The following PTPRA variants were observed in gnomAD, a reference collection of about 807,000 sequenced individuals.
PTPRA encodes receptor-type tyrosine-protein phosphatase alpha.
In PTPRA, 25 loss-of-function variants were observed where a neutral mutation model predicts 104.8. The observed-to-expected ratio is 0.24, with a 90% CI of 0.17 to 0.33. The LOEUF is 0.33. PTPRA is among the 10% of genes least tolerant of loss of function. The probability of loss-of-function intolerance (pLI) is 1.00; values close to 1 mark genes in which losing one functional copy is unlikely to be tolerated. For missense variants in PTPRA, 765 were observed against 1,015.3 expected, an observed-to-expected ratio of 0.75 and a Z score of 3.35; for synonymous variants, 323 against 368.9, an observed-to-expected ratio of 0.88 and a Z score of 1.43.
chr20:2,926,947 C>T (rs940255058), intron 2 of PTPRA, among the ~76,000 whole-genome samples: 6 of 151,740 alleles, frequency 4.0e-5, no homozygotes, highest in South Asian at 2.1e-4. Context: ...CCCGCCACCA[C>T]GCCCGGCTAA....
At chr20:3,010,519 T>C (rs2064114772) in intron 11 of PTPRA, among the ~76,000 whole-genome samples, 1 of 151,938 alleles carries the variant, frequency 6.6e-6, no homozygotes, top group Non-Finnish European at 1.5e-5. Flanking sequence ...TCCCAGCTAC[T>C]TGGGAGGCTG....
intron 17 of PTPRA, 106 bp downstream of exon 17, chr20:3,024,727 C>T (rs973718046): frequency 5.1e-6 from 7 of 1,362,012 alleles, no homozygotes; most frequent in Non-Finnish European, 7.2e-6. Context: ...CCTTGTGAGG[C>T]ATGCCAGTGG....
intron 1 of PTPRA, among the ~76,000 whole-genome samples, chr20:2,877,362 C>T (rs1386820534): frequency 1.3e-5 from 2 of 152,066 alleles, no homozygotes; most frequent in Admixed American, 6.6e-5. Context: ...TGGGTTCAAG[C>T]GATTCTCCTG....
At chr20:2,960,784 G>A (rs1451978448) in intron 3 of PTPRA, among the ~76,000 whole-genome samples, 1 of 151,418 alleles carries the variant, frequency 6.6e-6, no homozygotes, top group Non-Finnish European at 1.5e-5. Context: ...CAATTTGCCT[G>A]CCTTGGCCTC....
chr20:2,967,796 G>C (rs2062001316), intron 5 of PTPRA, among the ~76,000 whole-genome samples: 1 of 152,190 alleles, frequency 6.6e-6, no homozygotes, highest in Non-Finnish European at 1.5e-5. Context: ...AGGAGGTTGA[G>C]GCTGCAGTGA....
chr20:2,904,192 T>C (rs897285529), intron 1 of PTPRA, among the ~76,000 whole-genome samples: 8 of 152,142 alleles, frequency 5.3e-5, no homozygotes, highest in African/African-American at 1.9e-4. Flanking sequence ...GGATTACAGT[T>C]ATGAGCCATG....
rs41281232 is a variant in PTPRA at position 2,964,287 on chromosome 20, T to C, written c.10T>C (p.Trp4Arg). Residue 4 changes from tryptophan (W) to arginine (R), a missense_variant, in exon 4 of 24, where the codon TGG becomes CGG. By Grantham distance (101) the Trp-to-Arg change is moderately radical. Coordinates refer to ENST00000399903, the MANE Select transcript of PTPRA (RefSeq NM_001385305.1). MDS[W>R]FILVLLGSGL... ...TATTTTCCAGATAAGCATGGATTCC[T>C]GGTTCATTCTTGTTCTGCTCGGCAG... 6.2e-7 allele frequency: 1 copy of C among 1,610,752 alleles called. No homozygotes were observed. The highest frequency in any genetic ancestry group is 1.7e-5 in the Admixed American group (1 of 59,290).
intron 12 of PTPRA, among the ~76,000 whole-genome samples, chr20:3,016,600 C>T (rs1296259919): frequency 2.0e-5 from 3 of 152,142 alleles, no homozygotes; most frequent in Non-Finnish European, 4.4e-5. Context: ...ATTAGCCAGG[C>T]GTGGTGGCAC....
chr20:2,933,019 A>G (rs1178927386), intron 2 of PTPRA, among the ~76,000 whole-genome samples: 1 of 152,242 alleles, frequency 6.6e-6, no homozygotes, highest in Non-Finnish European at 1.5e-5. Flanking sequence ...GATAGATCAT[A>G]TATGTAAAAA....
Position 2,963,337 on chromosome 20 carries a change from C to CA in PTPRA, c.-6-934dup, listed in dbSNP as rs1400332354. Among the ~76,000 whole-genome samples, 5 of 152,150 alleles carry CA rather than the reference C, an allele frequency of 3.3e-5. No homozygotes were observed. The East Asian group carries it at 9.6e-4, about 29-fold the overall frequency. ...GTTTTTTGGTCCAGATGTGATGACT[C>CA]ACGCCTGTAATCCCAGCACTTCGGG... is the stretch of plus-strand genomic sequence containing the variant. On this transcript the variant is annotated intron_variant, in intron 3 of 23. Coordinates refer to ENST00000399903, the MANE Select transcript of PTPRA (RefSeq NM_001385305.1).
intron 3 of PTPRA, among the ~76,000 whole-genome samples, chr20:2,958,016 C>T (rs1252007293): frequency 6.7e-6 from 1 of 150,320 alleles, no homozygotes; most frequent in Non-Finnish European, 1.5e-5. Flanking sequence ...ATTTTTCTTT[C>T]CATGTTGGTG....
At chr20:3,018,876 G>A (rs1241143510) in intron 13 of PTPRA, among the ~76,000 whole-genome samples, 3 of 93,890 alleles carry the variant, frequency 3.2e-5, no homozygotes, top group Non-Finnish European at 4.0e-5. Flanking sequence ...CCTCCCTCCC[G>A]GACGGGGTGG....
chr20:3,011,880 A>G (rs979872214), intron 11 of PTPRA, among the ~76,000 whole-genome samples: 2 of 152,244 alleles, frequency 1.3e-5, no homozygotes, highest in East Asian at 3.8e-4. Flanking sequence ...TGTGACTGTC[A>G]TAGTGAAACC....
intron 2 of PTPRA, among the ~76,000 whole-genome samples, chr20:2,934,665 GA>G (rs1375141113): frequency 4.8e-5 from 7 of 144,870 alleles, no homozygotes; most frequent in African/African-American, 1.8e-4. Context: ...CTTTCAATTA[GA>G]ACCTTTTTTT....
At position 2,964,361 on chromosome 20, in the gene PTPRA, A is replaced by G. The variant is rs2061869434; in HGVS notation, c.73+11A>G. 1.3e-6 allele frequency: 2 copies of G among 1,573,440 alleles called. No homozygotes were observed. Among genetic ancestry groups the G allele is most frequent in the Non-Finnish European group, 1.7e-6 (2 of 1,156,708 alleles). On this transcript the variant is annotated intron_variant, in intron 4 of 23. Coordinates refer to ENST00000399903, the MANE Select transcript of PTPRA (RefSeq NM_001385305.1). ...ACAATGCTACCACAGGTAAATTGTCATTTGATAAGGCTGCTATTTGAAATG... is the reference window on the plus strand; with the variant it reads ...ACAATGCTACCACAGGTAAATTGTCGTTTGATAAGGCTGCTATTTGAAATG...
At chr20:2,909,913 A>G (rs2059580711) in intron 1 of PTPRA, among the ~76,000 whole-genome samples, 1 of 132,078 alleles carries the variant, frequency 7.6e-6, no homozygotes, top group Non-Finnish European at 1.5e-5. Flanking sequence ...TGACATATAT[A>G]TGTTATATAT....
At chr20:2,879,623 C>T (rs955588332) in intron 1 of PTPRA, among the ~76,000 whole-genome samples, 3 of 152,154 alleles carry the variant, frequency 2.0e-5, no homozygotes, top group Non-Finnish European at 4.4e-5. Context: ...AATGTGTATA[C>T]AGTCATGCAC....
At position 3,022,563 on chromosome 20, in the gene PTPRA, A is replaced by C. The variant is rs566316398; in HGVS notation, c.1329-126A>C. 2 of 1,339,680 alleles carry C rather than the reference A, an allele frequency of 1.5e-6. No individual in the cohort carries two copies. Among genetic ancestry groups the C allele is most frequent in the East Asian group, 4.8e-5 (2 of 41,674 alleles). The allele number at this position is 1,339,680 out of a possible 1,614,324, so 83.0% of individuals were successfully genotyped here. A position where few individuals can be genotyped will look rare whatever the true frequency, so the allele number is the denominator to read the frequency against. ...GAGTTGTTGGCTCCTGGAGAGCCCC[A>C]GCTCTACCCCATTCAGAATTAGGAT... On this transcript the variant is annotated intron_variant, in intron 15 of 23. Transcript: ENST00000399903. This position sits in a 1 kb window ranked among gnomAD's most constrained non-coding sequence, Gnocchi z 4.6.
intron 1 of PTPRA, among the ~76,000 whole-genome samples, chr20:2,902,105 G>C (rs1025609038): frequency 1.3e-5 from 2 of 151,972 alleles, no homozygotes; most frequent in African/African-American, 4.8e-5. Context: ...GGCTGGTCTC[G>C]AGCTCCTGAC....
Sources: allele counts gnomAD v4.1 joint callset (sites outside exome capture counted in the v4.1 genomes callset), GRCh38; gene constraint gnomAD v4.1.1; non-coding constraint Gnocchi (gnomAD v3.1); transcripts MANE v1.5; gene names NCBI Gene and HGNC (gene_info 2026-07-23, HGNC 2026-07-21).